The following SYTL5 variants were observed in gnomAD, a reference collection of about 807,000 sequenced individuals.
SYTL5 encodes the protein synaptotagmin-like protein 5.
A neutral mutation model predicts 55.9 loss-of-function variants in SYTL5; 34 were observed. That is an observed-to-expected ratio of 0.61 (90% CI 0.46 to 0.81). SYTL5 has a LOEUF of 0.81. SYTL5 is among the 30% of genes least tolerant of loss of function. SYTL5 has a pLI of 0.00. For synonymous variants in SYTL5, 221 were observed against 188.7 expected (o/e 1.17, Z -1.40); for missense variants, 637 against 546.7 (o/e 1.17, Z -1.65).
chrX:38,047,710 C>T (rs185552166), intron 2 of SYTL5, among the ~76,000 whole-genome samples: 77 of 112,363 alleles, frequency 6.9e-4, no homozygotes, highest in African/African-American at 1.9e-3. Flanking sequence ...TCTATCGCAT[C>T]GTCAGGCTTT....
intron 2 of SYTL5, among the ~76,000 whole-genome samples, chrX:38,037,096 T>G (rs1390252617): frequency 9.0e-6 from 1 of 111,683 alleles, no homozygotes; most frequent in Non-Finnish European, 1.9e-5. Flanking sequence ...TGACTGGAGT[T>G]TCCCATAGGA....
intron 6 of SYTL5, among the ~76,000 whole-genome samples, chrX:38,078,075 T>C (rs1602373674): frequency 9.0e-6 from 1 of 111,606 alleles, no homozygotes; most frequent in Non-Finnish European, 1.9e-5. Flanking sequence ...TTTTTCATAG[T>C]TGGACTCCTG....
the SYTL5 span, among the ~76,000 whole-genome samples, chrX:37,901,813 G>C: frequency 9.0e-6 from 1 of 111,614 alleles, no homozygotes; most frequent in Non-Finnish European, 1.9e-5. Flanking sequence ...TTGCTCAACA[G>C]GTTGCTTGAT....
intron 2 of SYTL5, among the ~76,000 whole-genome samples, chrX:38,048,967 G>T (rs1355881435): frequency 8.9e-6 from 1 of 111,968 alleles, no homozygotes. Context: ...AAGAAGGTCT[G>T]GTCAGCCTTG....
the SYTL5 span, among the ~76,000 whole-genome samples, chrX:37,940,513 G>A: frequency 4.8e-5 from 5 of 105,214 alleles, no homozygotes; most frequent in Non-Finnish European, 9.7e-5. Context: ...GGTTCCCAGT[G>A]ATCTCGTTTC....
the SYTL5 span, among the ~76,000 whole-genome samples, chrX:37,997,324 C>T: frequency 1.5e-3 from 168 of 112,308 alleles, no homozygotes; most frequent in Non-Finnish European, 2.3e-3. Flanking sequence ...GCTGCCCGAG[C>T]GGTGGTTGTG....
the SYTL5 span, among the ~76,000 whole-genome samples, chrX:37,928,442 C>T: frequency 7.2e-5 from 8 of 111,504 alleles, no homozygotes; most frequent in East Asian, 2.2e-3. Context: ...CATTCAGTTA[C>T]AGATTGTCTA....
At position 38,106,616 on chromosome X, in the gene SYTL5, C is replaced by T. The variant is rs1408778597; in HGVS notation, c.1179C>T (p.Ser393=). The change falls in exon 11 of 17, where the codon AGC becomes AGT. Residue 393 remains serine, a synonymous_variant. Transcript: ENST00000297875. ...AGACCAGCCTTAACAGCATGATGAG[C>T]GTTTACAGTGAAACGGGAGACTATG... ...LSTTSLNSMM[S]VYSETGDYGN... The T allele has an allele frequency of 2.3e-5, 28 of 1,203,200 alleles. No homozygotes were observed. Among genetic ancestry groups the T allele is most frequent in the Non-Finnish European group, 2.9e-5 (26 of 892,479 alleles).
chrX:38,053,028 C>T (rs1427765447), intron 2 of SYTL5, among the ~76,000 whole-genome samples: 2 of 112,200 alleles, frequency 1.8e-5, no homozygotes, highest in African/African-American at 3.2e-5. Flanking sequence ...GTGAGATTTG[C>T]GAATCAGTAT....
At chrX:37,976,031 G>A in the SYTL5 span, among the ~76,000 whole-genome samples, 1 of 111,815 alleles carries the variant, frequency 8.9e-6, no homozygotes, top group Non-Finnish European at 1.9e-5. Flanking sequence ...CCTGTAAATA[G>A]ATAAGCAGGA....
At chrX:37,911,851 T>C in the SYTL5 span, among the ~76,000 whole-genome samples, 2 of 112,236 alleles carry the variant, frequency 1.8e-5, no homozygotes, top group Admixed American at 1.9e-4. Context: ...ACACAGGTTA[T>C]GATTTTCTAT....
intron 6 of SYTL5, among the ~76,000 whole-genome samples, chrX:38,085,542 T>C (rs764052566): frequency 1.8e-5 from 2 of 112,265 alleles, no homozygotes; most frequent in Non-Finnish European, 3.8e-5. Context: ...TTGGCCATCT[T>C]TCCTGCATAT....
chrX:38,033,851 G>T lies in SYTL5; in HGVS notation c.-39G>T, dbSNP rs1193017360. On this transcript the variant is annotated 5_prime_UTR_variant, in exon 2 of 17. Transcript: ENST00000297875. Reference sequence around the variant, plus strand: ...GTAGATATCAATTCACCTTCTTGAAGATTCAACCACTGCTACTCAGAGCTG... The same window carrying T: ...GTAGATATCAATTCACCTTCTTGAATATTCAACCACTGCTACTCAGAGCTG... 1 of 792,210 alleles carries T rather than the reference G, an allele frequency of 1.3e-6. No individual in the cohort carries two copies. Among genetic ancestry groups the T allele is most frequent in the Admixed American group, 2.6e-5 (1 of 38,344 alleles). The allele number at this position is 792,210 out of a possible 1,213,427, so 65.3% of individuals were successfully genotyped here.
upstream of SYTL5, among the ~76,000 whole-genome samples, chrX:38,004,128 T>C (rs1933929279): frequency 8.9e-6 from 1 of 111,807 alleles, no homozygotes; most frequent in Non-Finnish European, 1.9e-5. Context: ...TATTTTCTCC[T>C]GCTCTGTAGG....
intron 2 of SYTL5, among the ~76,000 whole-genome samples, chrX:38,043,678 TATATATATATATAC>T (rs199935637): frequency 0.054 from 4,207 of 77,233 alleles, 236 homozygotes; most frequent in African/African-American, 0.18. Flanking sequence ...TATATATATA[TATATATATATATAC>T]ATATATATAT....
the SYTL5 span, among the ~76,000 whole-genome samples, chrX:37,971,084 T>C: frequency 9.1e-6 from 1 of 109,997 alleles, no homozygotes; most frequent in Non-Finnish European, 1.9e-5. Context: ...AGTATCTGAT[T>C]TGAGCACTTT....
chrX:38,002,645 T>C (rs1363902447), upstream of SYTL5, among the ~76,000 whole-genome samples: 3 of 112,602 alleles, frequency 2.7e-5, no homozygotes, highest in African/African-American at 9.7e-5. Flanking sequence ...ATCTGTCTTT[T>C]GGCTGCATAA....
At chrX:38,030,448 C>T (rs1033106971) in intron 1 of SYTL5, among the ~76,000 whole-genome samples, 6 of 111,820 alleles carry the variant, frequency 5.4e-5, no homozygotes, top group East Asian at 2.8e-4. Flanking sequence ...CTTGAATATC[C>T]GCTTTAAATA....
At chrX:37,923,074 C>T in the SYTL5 span, among the ~76,000 whole-genome samples, 1 of 112,549 alleles carries the variant, frequency 8.9e-6, no homozygotes, top group East Asian at 2.8e-4. Flanking sequence ...TTGTGCTTTC[C>T]GTCCATTGGC....
Sources: allele counts gnomAD v4.1 joint callset (sites outside exome capture counted in the v4.1 genomes callset), GRCh38; gene constraint gnomAD v4.1.1; transcripts MANE v1.5; gene names NCBI Gene and HGNC (gene_info 2026-07-23, HGNC 2026-07-21).